Variants in NRG1 observed in about 807,000 individuals in gnomAD.
NRG1 encodes the protein pro-neuregulin-1, membrane-bound isoform.
In NRG1, 18 loss-of-function variants were observed where a neutral mutation model predicts 63.8. The ratio of observed to expected loss-of-function variants is 0.28; its 90% CI spans 0.19 to 0.42. NRG1 has a LOEUF of 0.42. Ranked by LOEUF, NRG1 falls within the 10% of genes least tolerant of loss-of-function variation. The pLI is 1.00. For missense variants in NRG1, 762 were observed against 814.7 expected (o/e 0.94, Z 0.79); for synonymous variants, 302 against 301.3 (o/e 1.00, Z -0.02).
At chr8:31,831,521 T>C (rs1202185094) in intron 1 of NRG1, among the ~76,000 whole-genome samples, 2 of 152,186 alleles carry the variant, frequency 1.3e-5, no homozygotes, top group Non-Finnish European at 2.9e-5. Context: ...TGTAAAACAA[T>C]TTTAAGATTT....
intron 1 of NRG1, among the ~76,000 whole-genome samples, chr8:32,109,336 G>A (rs748905303): frequency 7.2e-5 from 11 of 152,158 alleles, no homozygotes; most frequent in Non-Finnish European, 1.5e-4. Context: ...TTAGCTGCCT[G>A]AGCAGATTAA....
chr8:32,061,423 T>C (rs1051322255), intron 1 of NRG1, among the ~76,000 whole-genome samples: 49 of 152,028 alleles, frequency 3.2e-4, no homozygotes, highest in African/African-American at 1.1e-3. Context: ...GACTTTTTTT[T>C]CTGAGCTTCC....
intron 1 of NRG1, among the ~76,000 whole-genome samples, chr8:31,998,880 T>C (rs997153979): frequency 6.6e-6 from 1 of 152,008 alleles, no homozygotes; most frequent in African/African-American, 2.4e-5. Context: ...AAATTCTGAA[T>C]GAATTTCTCT....
At chr8:32,520,311 C>CTTGTCCA (rs1406371286) in intron 1 of NRG1, among the ~76,000 whole-genome samples, 1 of 151,768 alleles carries the variant, frequency 6.6e-6, no homozygotes, top group Non-Finnish European at 1.5e-5. Flanking sequence ...CACGTGCCAC[C>CTTGTCCA]TTGTCCAGCT....
chr8:31,769,948 G>C lies in NRG1; in HGVS notation c.37+130517G>C, dbSNP rs1009641249. 3.9e-5 allele frequency among the ~76,000 whole-genome samples: 6 copies of C among 152,284 alleles called. No individual in the cohort carries two copies. The East Asian group carries it at 1.2e-3, about 29-fold the overall frequency. ...ATGTCCAGGGTCAGCAAGGCTCCAGGGTTATGTCTTATTCAGACATATTCA... is the reference window on the plus strand; with the variant it reads ...ATGTCCAGGGTCAGCAAGGCTCCAGCGTTATGTCTTATTCAGACATATTCA... On this transcript the variant is annotated intron_variant, in intron 1 of 10. Coordinates refer to the NRG1 transcript ENST00000519301.
intron 5 of NRG1, among the ~76,000 whole-genome samples, chr8:32,720,530 A>G (rs1469239369): frequency 6.6e-6 from 1 of 152,156 alleles, no homozygotes; most frequent in Non-Finnish European, 1.5e-5. Flanking sequence ...TTATACTCAT[A>G]TAAAACTGTC....
At chr8:32,102,557 A>G (rs1305797394) in intron 1 of NRG1, among the ~76,000 whole-genome samples, 2 of 152,224 alleles carry the variant, frequency 1.3e-5, no homozygotes, top group Non-Finnish European at 2.9e-5. Flanking sequence ...ACACACTGAT[A>G]AGTAAATGAT....
chr8:31,652,187 G>A (rs1490401502), intron 1 of NRG1, among the ~76,000 whole-genome samples: 4 of 152,140 alleles, frequency 2.6e-5, no homozygotes, highest in Non-Finnish European at 4.4e-5. Context: ...CCTCAAACCA[G>A]ATACCTCTCC....
intron 1 of NRG1, among the ~76,000 whole-genome samples, chr8:31,859,156 C>A (rs1043501780): frequency 6.6e-6 from 1 of 152,102 alleles, no homozygotes; most frequent in Non-Finnish European, 1.5e-5. Context: ...TTTGCATCAA[C>A]CTTAATATTT....
chr8:32,407,302 A>AT (rs1814182946), intron 1 of NRG1, among the ~76,000 whole-genome samples: 2 of 11,030 alleles, frequency 1.8e-4, no homozygotes, highest in Non-Finnish European at 3.7e-4. Context: ...TATTATATAT[A>AT]TATATATATA....
At chr8:32,587,960 G>A (rs1841913274) in intron 1 of NRG1, among the ~76,000 whole-genome samples, 2 of 151,668 alleles carry the variant, frequency 1.3e-5, no homozygotes, top group African/African-American at 2.4e-5. Context: ...ACGGACTCTT[G>A]CCCTGTCACC....
intron 1 of NRG1, among the ~76,000 whole-genome samples, chr8:31,898,033 AAAGAG>A (rs1217501805): frequency 4.6e-5 from 7 of 151,278 alleles, no homozygotes; most frequent in African/African-American, 1.5e-4. Flanking sequence ...AAAAAAAAAA[AAAGAG>A]AGAGAAGGAA....
At chr8:31,669,180 C>G (rs1806849848) in intron 1 of NRG1, among the ~76,000 whole-genome samples, 1 of 151,968 alleles carries the variant, frequency 6.6e-6, no homozygotes, top group Non-Finnish European at 1.5e-5. Flanking sequence ...CTCAGCCTCC[C>G]TAGTAGATGG....
intron 1 of NRG1, among the ~76,000 whole-genome samples, chr8:32,266,139 G>C (rs569955947): frequency 1.3e-4 from 20 of 152,264 alleles, no homozygotes; most frequent in African/African-American, 4.8e-4. Context: ...GTGACCTTTT[G>C]GGTGGAATCT....
At chr8:32,629,656 C>A (rs544481941) in intron 5 of NRG1, among the ~76,000 whole-genome samples, 116 of 152,234 alleles carry the variant, frequency 7.6e-4, no homozygotes, top group Non-Finnish European at 1.2e-3. Context: ...CATTCACATT[C>A]TACCTATGTA....
intron 5 of NRG1, among the ~76,000 whole-genome samples, chr8:32,693,146 T>G (rs1330575729): frequency 6.6e-6 from 1 of 151,894 alleles, no homozygotes; most frequent in Non-Finnish European, 1.5e-5. Flanking sequence ...AGCTACATTA[T>G]GCAGAAAGAT....
At chr8:32,090,148 C>T (rs963544027) in intron 1 of NRG1, among the ~76,000 whole-genome samples, 1 of 152,150 alleles carries the variant, frequency 6.6e-6, no homozygotes, top group African/African-American at 2.4e-5. Context: ...TTCTTTAAAC[C>T]TGTTTCCTCA....
chr8:32,061,695 G>A (rs10808318), intron 1 of NRG1: 85,502 of 151,724 alleles, frequency 0.56, 27,232 homozygotes, highest in Non-Finnish European at 0.71. Context: ...GGAAAGTCAC[G>A]TTTCAGTGTT....
intron 1 of NRG1, among the ~76,000 whole-genome samples, chr8:32,318,794 G>T (rs1215198799): frequency 6.6e-6 from 1 of 152,090 alleles, no homozygotes; most frequent in Non-Finnish European, 1.5e-5. Context: ...AATTCCGTTT[G>T]CAATTCAGTA....
Sources: gnomAD v4.1 joint callset for allele counts (sites outside exome capture counted in the v4.1 genomes callset) on GRCh38, gnomAD v4.1.1 for gene constraint, MANE v1.5 for transcripts, NCBI Gene and HGNC (gene_info 2026-07-23, HGNC 2026-07-21) for gene names.